ULK4: variants seen among roughly 807,000 people sequenced by gnomAD.
ULK4 encodes unc-51 like kinase 4.
ULK4 carries 133 observed loss-of-function variants against 160.6 expected under a neutral mutation model. The observed-to-expected ratio is 0.83, with a 90% CI of 0.72 to 0.96. The LOEUF (loss-of-function observed/expected upper bound fraction) is 0.96, where lower values mean the gene tolerates loss of function less well. Among genes scored for constraint, ULK4 ranks in the 40% least tolerant of loss-of-function variants. The pLI is 0.00. For missense variants in ULK4, 1,580 were observed against 1,499.5 expected (o/e 1.05, Z -0.89); for synonymous variants, 534 against 539.8 (o/e 0.99, Z 0.15).
intron 18 of ULK4, among the ~76,000 whole-genome samples, chr3:41,828,060 C>T (rs1235261861): frequency 2.0e-5 from 3 of 151,786 alleles, no homozygotes; most frequent in African/African-American, 7.3e-5. Context: ...ACATGATTAT[C>T]TCAATAGATG....
At chr3:41,849,638 T>G (rs983386096) in intron 17 of ULK4, among the ~76,000 whole-genome samples, 2 of 152,120 alleles carry the variant, frequency 1.3e-5, no homozygotes, top group Non-Finnish European at 2.9e-5. Context: ...TAATGTAAAC[T>G]ACAGACTTTG....
At chr3:41,912,027 A>G (rs1698806149) in intron 9 of ULK4, among the ~76,000 whole-genome samples, 1 of 151,840 alleles carries the variant, frequency 6.6e-6, no homozygotes, top group African/African-American at 2.4e-5. Context: ...TTTAAAAAAA[A>G]AAAAGATCCA....
chr3:41,547,776 T>C lies in ULK4; in HGVS notation c.3226+18249A>G, dbSNP rs866847418. ...CATCCCTCAGTATCCATCCAGAGGG[T>C]TGCAGCAATGCAATGCCAGCTGGAA... On this transcript the variant is annotated intron_variant, in intron 32 of 36. Transcript: ENST00000301831. Among the ~76,000 whole-genome samples, 8 of 152,156 alleles carry C rather than the reference T, an allele frequency of 5.3e-5. No individual in the cohort carries two copies. In the South Asian group the frequency reaches 8.3e-4, roughly 16 times the overall value.
intron 32 of ULK4, among the ~76,000 whole-genome samples, chr3:41,539,148 A>G (rs1189414420): frequency 2.0e-5 from 3 of 150,904 alleles, no homozygotes; most frequent in Non-Finnish European, 3.0e-5. Flanking sequence ...AAATCCACAT[A>G]TAAGTGGAAT....
intron 29 of ULK4, among the ~76,000 whole-genome samples, chr3:41,676,040 A>AG (rs1317360677): frequency 2.6e-5 from 4 of 152,208 alleles, no homozygotes; most frequent in Non-Finnish European, 5.9e-5. Flanking sequence ...GACTCAGCCC[A>AG]GGGGATGCCT....
chr3:41,937,105 G>A lies in ULK4; in HGVS notation c.238+993C>T, dbSNP rs551209661. 20 of 445,338 alleles carry A rather than the reference G, an allele frequency of 4.5e-5. 1 individual carries two copies. The South Asian group carries it at 1.0e-3, about 22-fold the overall frequency. The allele number at this position is 445,338 out of a possible 1,614,324, so 27.6% of individuals were successfully genotyped here. On this transcript the variant is annotated intron_variant, in intron 3 of 36. Coordinates refer to ENST00000301831, the MANE Select transcript of ULK4 (RefSeq NM_017886.4). ...CAAATTCAGTAAAAGTAAAGTTTCTGCTGGCATTGAAAAGTTGAATATGAA... is the reference window on the plus strand; with the variant it reads ...CAAATTCAGTAAAAGTAAAGTTTCTACTGGCATTGAAAAGTTGAATATGAA...
intron 34 of ULK4, among the ~76,000 whole-genome samples, chr3:41,432,453 A>C (rs1362478965): frequency 2.0e-5 from 3 of 152,226 alleles, no homozygotes; most frequent in Non-Finnish European, 4.4e-5. Context: ...TGTAAAAAGA[A>C]GGCTCTTCTG....
Position 41,466,352 on chromosome 3 carries a change from A to G in ULK4, c.3227-3099T>C, listed in dbSNP as rs565046633. 5.9e-5 allele frequency among the ~76,000 whole-genome samples: 9 copies of G among 152,296 alleles called. No individual in the cohort carries two copies. In the South Asian group the frequency reaches 1.7e-3, roughly 28 times the overall value. On this transcript the variant is annotated intron_variant, in intron 32 of 36. Coordinates refer to ENST00000301831, the MANE Select transcript of ULK4 (RefSeq NM_017886.4). ...CTTTAAGAAAAATGAGTTCATACAG[A>G]TATTTCTAATGCCAGACTCCAGAAA...
At chr3:41,775,118 G>A (rs529696461) in intron 21 of ULK4, among the ~76,000 whole-genome samples, 3 of 149,498 alleles carry the variant, frequency 2.0e-5, no homozygotes, top group Non-Finnish European at 2.9e-5. Context: ...TATACCTAAT[G>A]CTAAATGACC....
At chr3:41,309,646 A>G (rs373916594) in intron 35 of ULK4, among the ~76,000 whole-genome samples, 18 of 152,224 alleles carry the variant, frequency 1.2e-4, no homozygotes, top group Middle Eastern at 3.2e-3. Context: ...CATTATAGGA[A>G]TTCTAAATGT....
chr3:41,332,318 A>C (rs1448635320), intron 35 of ULK4, among the ~76,000 whole-genome samples: 1 of 152,230 alleles, frequency 6.6e-6, no homozygotes, highest in Non-Finnish European at 1.5e-5. Context: ...ACATTTGTGA[A>C]TTCCAATCAA....
At chr3:41,410,095 G>A (rs1196175212) in intron 34 of ULK4, among the ~76,000 whole-genome samples, 4 of 152,118 alleles carry the variant, frequency 2.6e-5, no homozygotes, top group Admixed American at 2.6e-4. Flanking sequence ...TACTGCTAGT[G>A]GAAATGTTAA....
chr3:41,954,176 T>TAAAA (rs11325222), intron 2 of ULK4, among the ~76,000 whole-genome samples: 1 of 118,658 alleles, frequency 8.4e-6, no homozygotes, highest in East Asian at 2.5e-4. Flanking sequence ...GACTCCGTCT[T>TAAAA]AAAAAAAAAA....
intron 16 of ULK4, among the ~76,000 whole-genome samples, chr3:41,893,222 T>C (rs1456892446): frequency 3.3e-5 from 5 of 152,196 alleles, no homozygotes; most frequent in Non-Finnish European, 5.9e-5. Flanking sequence ...ATAGTGGTGA[T>C]GGTTATACAA....
intron 21 of ULK4, among the ~76,000 whole-genome samples, chr3:41,767,417 T>G (rs946825425): frequency 1.3e-5 from 2 of 152,200 alleles, no homozygotes; most frequent in African/African-American, 4.8e-5. Flanking sequence ...AACAGCCATC[T>G]GCTCCCCACA....
chr3:41,681,673 C>T, intron 28 of ULK4, 21 bp from the exon 29 acceptor site: 1 of 1,612,790 alleles, frequency 6.2e-7, no homozygotes, highest in Non-Finnish European at 8.5e-7. Context: ...AAAAAAAATG[C>T]CAAGAATGTG....
intron 17 of ULK4, among the ~76,000 whole-genome samples, chr3:41,856,222 C>G (rs1208739755): frequency 6.6e-6 from 1 of 151,874 alleles, no homozygotes; most frequent in East Asian, 1.9e-4. Context: ...TTATCATTTT[C>G]AACAAATTTG....
In ULK4 at chr3:41,905,987, G is replaced by C. The variant is rs529097791; in HGVS notation, c.1182+1858C>G. ...AATCCTAGCACTTTGGGAGTCCGAG[G>C]CGGGCGGATCATGAGATCAGGAGAT... On this transcript the variant is annotated intron_variant, in intron 12 of 36. Transcript: ENST00000301831. 2.6e-5 allele frequency among the ~76,000 whole-genome samples: 4 copies of C among 152,160 alleles called. No homozygotes were observed. In the South Asian group the frequency reaches 8.3e-4, roughly 32 times the overall value.
chr3:41,561,327 T>G (rs1243296223), intron 32 of ULK4, among the ~76,000 whole-genome samples: 4 of 152,180 alleles, frequency 2.6e-5, no homozygotes, highest in Non-Finnish European at 5.9e-5. Flanking sequence ...AAAATTCTCT[T>G]TTTTGGTTGT....
Sources: gnomAD v4.1 joint callset for allele counts (sites outside exome capture counted in the v4.1 genomes callset) on GRCh38, gnomAD v4.1.1 for gene constraint, MANE v1.5 for transcripts, NCBI Gene and HGNC (gene_info 2026-07-23, HGNC 2026-07-21) for gene names.